DISP2: variants seen among roughly 807,000 people sequenced by gnomAD.
DISP2 encodes the protein dispatched RND transporter family member 2.
A neutral mutation model predicts 95.5 loss-of-function variants in DISP2; 59 were observed. That is an observed-to-expected ratio of 0.62 (90% confidence interval 0.50 to 0.77). The LOEUF (loss-of-function observed/expected upper bound fraction) is 0.77, where lower values mean the gene tolerates loss of function less well. DISP2 is among the 30% of genes least tolerant of loss of function. DISP2 has a pLI of 0.00. For missense variants in DISP2, 1,752 were observed against 1,854.6 expected, an observed-to-expected ratio of 0.94 and a Z score of 1.02; for synonymous variants, 827 against 815.0, an observed-to-expected ratio of 1.01 and a Z score of -0.25.
Position 40,371,839 on chromosome 15 carries a change from C to T in DISP2, c.*1521C>T, listed in dbSNP as rs773914835. The T allele has an allele frequency of 1.3e-5, 2 of 152,166 alleles. No homozygotes were observed. Among genetic ancestry groups the T allele is most frequent in the African/African-American group, 4.8e-5 (2 of 41,438 alleles). The allele number at this position is 152,166 out of a possible 1,614,324, so 9.4% of individuals were successfully genotyped here. A position where few individuals can be genotyped will look rare whatever the true frequency, so the allele number is the denominator to read the frequency against. ...TGAACACCACCCTCAAAGAGCTCAC[C>T]TTCTAGCTGGGGAGACAGCTTATGC... On this transcript the variant is annotated 3_prime_UTR_variant, in exon 8 of 8. Coordinates refer to ENST00000267889, the MANE Select transcript of DISP2 (RefSeq NM_033510.3).
intron 1 of DISP2, among the ~76,000 whole-genome samples, chr15:40,360,497 C>A (rs774982686): frequency 4.6e-5 from 7 of 152,068 alleles, no homozygotes; most frequent in Non-Finnish European, 8.8e-5. Context: ...AGATTGGGGG[C>A]AGCTGATCCT....
At position 40,376,335 on chromosome 15, in the gene DISP2, A is replaced by C. The variant is rs1040903066; in HGVS notation, c.*6017A>C. Reference sequence around the variant, plus strand: ...AAATAATTTTAAAAATTAGCTGGGCATGGGCCGGGCGCGGTGGCTCACGCC... The same window carrying C: ...AAATAATTTTAAAAATTAGCTGGGCCTGGGCCGGGCGCGGTGGCTCACGCC... On this transcript the variant is annotated 3_prime_UTR_variant, in exon 8 of 8. Transcript: ENST00000267889. The C allele has an allele frequency of 6.6e-6, 1 of 152,220 alleles. No homozygotes were observed. Among genetic ancestry groups the C allele is most frequent in the African/African-American group, 2.4e-5 (1 of 41,450 alleles). 9.4% of individuals were successfully genotyped at this position (152,220 alleles called of 1,614,324 possible).
chr15:40,374,014 A>AAAAAAAAAAAAAAAAAAATATAT lies in DISP2; in HGVS notation c.*3697_*3698insAAAAAAAAAAAAAAAAATATATA. The AAAAAAAAAAAAAAAAAAATATAT allele has an allele frequency of 9.6e-6, 1 of 104,192 alleles. No homozygotes were observed. The highest frequency in any genetic ancestry group is 2.9e-4 in the South Asian group (1 of 3,454). The allele number at this position is 104,192 out of a possible 1,614,324, so 6.5% of individuals were successfully genotyped here. ...GCGAGACTCCATCTTAAAAAAAAAA[A>AAAAAAAAAAAAAAAAAAATATAT]ATATATATATATATATATGTAAACT... On this transcript the variant is annotated 3_prime_UTR_variant, in exon 8 of 8. Coordinates refer to ENST00000267889, the MANE Select transcript of DISP2 (RefSeq NM_033510.3).
Position 40,372,239 on chromosome 15 carries a change from A to G in DISP2, c.*1921A>G, listed in dbSNP as rs1889659141. On this transcript the variant is annotated 3_prime_UTR_variant, in exon 8 of 8. Transcript: ENST00000267889. ...AACCCCTCCGGCTCCTGGCAGCTTC[A>G]CAGAATGTAATATGAAAGCTACTGA... 1 of 152,168 alleles carries G rather than the reference A, an allele frequency of 6.6e-6. No homozygotes were observed. Among genetic ancestry groups the G allele is most frequent in the Admixed American group, 6.5e-5 (1 of 15,284 alleles). 9.4% of individuals were successfully genotyped at this position (152,168 alleles called of 1,614,324 possible).
chr15:40,363,180 C>A (rs1159182706), intron 1 of DISP2, among the ~76,000 whole-genome samples: 1 of 151,262 alleles, frequency 6.6e-6, no homozygotes, highest in African/African-American at 2.4e-5. Context: ...GTCGTGATGG[C>A]GGGCACCTGT....
In DISP2 at chr15:40,370,262, C is replaced by T; in HGVS notation, c.4150C>T (p.Leu1384=). The T allele has an allele frequency of 6.4e-7, 1 of 1,566,732 alleles. No individual in the cohort carries two copies. The highest frequency in any genetic ancestry group is 2.2e-5 in the East Asian group (1 of 44,446). ...PVVLPNSQPD[L]PDVWLRRPST... The stretch of plus-strand genomic sequence containing the variant: ...GGTGCTGCCCAATAGCCAGCCAGAC[C>T]TGCCAGATGTTTGGCTGCGCAGGCC... Residue 1384 remains leucine, a synonymous_variant, in exon 8 of 8, where the codon CTG becomes TTG. Transcript: ENST00000267889.
rs946141191 is a variant in DISP2, at chr15:40,378,485, A to G, written c.*8167A>G. On this transcript the variant is annotated 3_prime_UTR_variant, in exon 8 of 8. Coordinates refer to ENST00000267889, the MANE Select transcript of DISP2 (RefSeq NM_033510.3). The stretch of plus-strand genomic sequence containing the variant: ...ATTGTACACTTAAAATATGTGGTCT[A>G]TGGAATGTTAATTATATCTCAATAA... 2.0e-5 allele frequency: 3 copies of G among 152,214 alleles called. No individual in the cohort carries two copies. Among genetic ancestry groups the G allele is most frequent in the African/African-American group, 7.2e-5 (3 of 41,462 alleles). The allele number at this position is 152,214 out of a possible 1,614,324, so 9.4% of individuals were successfully genotyped here. A position where few individuals can be genotyped will look rare whatever the true frequency, so the allele number is the denominator to read the frequency against.
Position 40,365,720 on chromosome 15 carries a change from G to A in DISP2, c.940G>A (p.Asp314Asn). The A allele has an allele frequency of 1.9e-6, 3 of 1,614,014 alleles. No homozygotes were observed. The highest frequency in any genetic ancestry group is 2.5e-6 in the Non-Finnish European group (3 of 1,180,002). Residue 314 changes from aspartate (D) to asparagine (N), a missense_variant, in exon 7 of 8, where the codon GAC (aspartate) becomes AAC (asparagine). Asp to Asn is a conservative substitution (Grantham distance 23). Transcript: ENST00000267889. Reference sequence around the variant, plus strand: ...CCATTCCATGTGTCGCATGGAACAGGACCAGGTGAGCTGGTGGGGGAGGTG... The same window carrying A: ...CCATTCCATGTGTCGCATGGAACAGAACCAGGTGAGCTGGTGGGGGAGGTG... ...AIHSMCRMEQDQIRSHTSFGA... is the reference protein window; with the variant it reads ...AIHSMCRMEQNQIRSHTSFGA...
chr15:40,362,311 T>C (rs1889418513), intron 1 of DISP2, among the ~76,000 whole-genome samples: 1 of 152,178 alleles, frequency 6.6e-6, no homozygotes, highest in Non-Finnish European at 1.5e-5. Flanking sequence ...CTCTCTGAGC[T>C]CCCTCAGCCC....
rs1385307782 is a variant in DISP2 at position 40,377,361 on chromosome 15, C to G, written c.*7043C>G. 1 of 152,102 alleles carries G rather than the reference C, an allele frequency of 6.6e-6. No individual in the cohort carries two copies. Among genetic ancestry groups the G allele is most frequent in the Admixed American group, 6.6e-5 (1 of 15,260 alleles). 9.4% of individuals were successfully genotyped at this position (152,102 alleles called of 1,614,324 possible). On this transcript the variant is annotated 3_prime_UTR_variant, in exon 8 of 8. Transcript: ENST00000267889. ...GACTGAAAGTACAGATACAACTTCC[C>G]TTTCCAGCCAAGATGGAGGAGCAGG...
At position 40,369,263 on chromosome 15, in the gene DISP2, C is replaced by T. The variant is rs763352261; in HGVS notation, c.3151C>T (p.Arg1051Cys). ...GTGCCCACACCCTGACCGCCTGAGC[C>T]GTGTGGCCTTCTCTCTGCGCCAGAC... ...HLCPHPDRLS[R>C]VAFSLRQTSC... is the part of the protein sequence containing the mutation. The change falls in exon 8 of 8, where the codon CGT (arginine) becomes TGT (cysteine). Residue 1051 changes from arginine to cysteine, a missense_variant. Transcript: ENST00000267889. 6 of 1,613,856 alleles carry T rather than the reference C, an allele frequency of 3.7e-6. No individual in the cohort carries two copies. The highest frequency in any genetic ancestry group is 1.1e-5 in the South Asian group (1 of 91,088).
chr15:40,367,374 T>G lies in DISP2; in HGVS notation c.1262T>G (p.Leu421Arg). 1 of 1,613,498 alleles carries G rather than the reference T, an allele frequency of 6.2e-7. No homozygotes were observed. The highest frequency in any genetic ancestry group is 8.5e-7 in the Non-Finnish European group (1 of 1,179,936). Reference protein sequence around the residue: ...LLHFLLDRDFLSPQTTDYQVP... With the variant: ...LLHFLLDRDFRSPQTTDYQVP... ...CACTTTCTGCTTGACAGGGACTTTC[T>G]GAGTCCCCAGACCACTGACTACCAG... Residue 421 changes from leucine (L) to arginine (R), a missense_variant, in exon 8 of 8, where the codon CTG (leucine) becomes CGG (arginine). By Grantham distance (102) the Leu-to-Arg change is moderately radical. Coordinates refer to ENST00000267889, the MANE Select transcript of DISP2 (RefSeq NM_033510.3).
Position 40,367,882 on chromosome 15 carries a change from C to G in DISP2, c.1770C>G (p.Gly590=), listed in dbSNP as rs746511363. 7 of 1,599,182 alleles carry G rather than the reference C, an allele frequency of 4.4e-6. No homozygotes were observed. Among genetic ancestry groups the G allele is most frequent in the Non-Finnish European group, 5.9e-6 (7 of 1,179,606 alleles). ...TGGGCCGCACCATGCACCACTTCGGCTACCTGCTGCTGGTCTCCGGCCTCA... is the reference window on the plus strand; with the variant it reads ...TGGGCCGCACCATGCACCACTTCGGGTACCTGCTGCTGGTCTCCGGCCTCA... ...QRVGRTMHHF[G]YLLLVSGLTT... The change falls in exon 8 of 8, where the codon GGC becomes GGG. Residue 590 remains glycine, a synonymous_variant. Coordinates refer to ENST00000267889, the MANE Select transcript of DISP2 (RefSeq NM_033510.3).
Position 40,363,861 on chromosome 15 carries a change from C to T in DISP2, c.356C>T (p.Ser119Phe), listed in dbSNP as rs763699203. The stretch of plus-strand genomic sequence containing the variant: ...CTTGGGGATCGGGCAGCTCTCTGCT[C>T]CCACGGCTCCAGCCTCAGCCCTTCT... Reference protein sequence around the residue: ...PGLGDRAALCSHGSSLSPSPA... With the variant: ...PGLGDRAALCFHGSSLSPSPA... Residue 119 changes from serine to phenylalanine, a missense_variant, in exon 2 of 8, where the codon TCC becomes TTC. By Grantham distance (155) the Ser-to-Phe change is radical. Transcript: ENST00000267889. 2 of 1,606,510 alleles carry T rather than the reference C, an allele frequency of 1.2e-6. No homozygotes were observed. The highest frequency in any genetic ancestry group is 2.2e-5 in the South Asian group (2 of 90,342).
rs1555400587 is a variant in DISP2 at position 40,374,003 on chromosome 15, T to TAAAAAAAAAAAAAAAAAAA, written c.*3697_*3698insAAAAAAAAAAAAAAAAAAA. The TAAAAAAAAAAAAAAAAAAA allele has an allele frequency of 3.5e-5, 4 of 114,132 alleles. No individual in the cohort carries two copies. The highest frequency in any genetic ancestry group is 7.1e-5 in the Non-Finnish European group (4 of 56,052). 7.1% of individuals were successfully genotyped at this position (114,132 alleles called of 1,614,324 possible). A position where few individuals can be genotyped will look rare whatever the true frequency, so the allele number is the denominator to read the frequency against. On this transcript the variant is annotated 3_prime_UTR_variant, in exon 8 of 8. Transcript: ENST00000267889. ...TGGGCAACAGAGCGAGACTCCATCTTAAAAAAAAAAAATATATATATATAT... is the reference window on the plus strand; with the variant it reads ...TGGGCAACAGAGCGAGACTCCATCTTAAAAAAAAAAAAAAAAAAAAAAAAAAAAAAATATATATATATAT...
rs2141267059 is a variant in DISP2, at chr15:40,376,393, G to A, written c.*6075G>A. 1 of 152,362 alleles carries A rather than the reference G, an allele frequency of 6.6e-6. No homozygotes were observed. The highest frequency in any genetic ancestry group is 2.4e-5 in the African/African-American group (1 of 41,572). The allele number at this position is 152,362 out of a possible 1,614,324, so 9.4% of individuals were successfully genotyped here. A position where few individuals can be genotyped will look rare whatever the true frequency, so the allele number is the denominator to read the frequency against. On this transcript the variant is annotated 3_prime_UTR_variant, in exon 8 of 8. Transcript: ENST00000267889. ...CCAGCACTCTGGGAGGCCGAGGCAGGTAGATCATCTGAGGTCAGGAGTTCA... is the reference window on the plus strand; with the variant it reads ...CCAGCACTCTGGGAGGCCGAGGCAGATAGATCATCTGAGGTCAGGAGTTCA...
At position 40,358,266 on chromosome 15, in the gene DISP2, G is replaced by C. The variant is rs368392302; in HGVS notation, c.-56G>C. ...CGCTGCCGCCGCCACCGCCGCCGCC[G>C]CCGCCGCCGCCGCGGCTTCAGCACC... On this transcript the variant is annotated 5_prime_UTR_variant, in exon 1 of 8. Coordinates refer to ENST00000267889, the MANE Select transcript of DISP2 (RefSeq NM_033510.3). The C allele has an allele frequency of 3.3e-5, 33 of 989,458 alleles. No homozygotes were observed. The highest frequency in any genetic ancestry group is 4.1e-5 in the Non-Finnish European group (32 of 782,886). 61.3% of individuals were successfully genotyped at this position (989,458 alleles called of 1,614,324 possible). A position where few individuals can be genotyped will look rare whatever the true frequency, so the allele number is the denominator to read the frequency against.
intron 1 of DISP2, among the ~76,000 whole-genome samples, chr15:40,363,279 C>A (rs1225559672): frequency 6.6e-6 from 1 of 151,012 alleles, no homozygotes; most frequent in Admixed American, 6.6e-5. Context: ...GCCACTGCAC[C>A]CCAGCCTGGG....
rs1228736956 is a variant in DISP2, at chr15:40,367,942, C to G, written c.1830C>G (p.Ser610Arg). 1 of 1,587,040 alleles carries G rather than the reference C, an allele frequency of 6.3e-7. No homozygotes were observed. Among genetic ancestry groups the G allele is most frequent in the Admixed American group, 1.7e-5 (1 of 58,554 alleles). ...CGGCCTTCTATGCCAGCTACCTGAG[C>G]CGCCTGCCGGCCGTTCGCTGCCTCG... ...TSAAFYASYL[S>R]RLPAVRCLAL... Residue 610 changes from serine (S) to arginine (R), a missense_variant, in exon 8 of 8, where the codon AGC (serine) becomes AGG (arginine). Physicochemically the swap from Ser to Arg is moderately radical, Grantham distance 110. This residue lies in a region of DISP2 where 732 missense variants were observed against 714.6 expected (regional missense o/e 1.02). Coordinates refer to ENST00000267889, the MANE Select transcript of DISP2 (RefSeq NM_033510.3).
Sources: allele counts gnomAD v4.1 joint callset (sites outside exome capture counted in the v4.1 genomes callset), GRCh38; gene constraint gnomAD v4.1.1; regional missense constraint gnomAD v4.1.1; transcripts MANE v1.5; gene names NCBI Gene and HGNC (gene_info 2026-07-23, HGNC 2026-07-21).